JARID2: variants seen among roughly 807,000 people sequenced by gnomAD.
The protein encoded by JARID2 is protein Jumonji.
In JARID2, 21 loss-of-function variants were observed where a neutral mutation model predicts 125.6. The ratio of observed to expected loss-of-function variants is 0.17; its 90% CI spans 0.12 to 0.24. JARID2 has a LOEUF of 0.24. Ranked by LOEUF, JARID2 falls within the 10% of genes least tolerant of loss-of-function variation. The pLI is 1.00. For synonymous variants in JARID2, 736 were observed against 661.6 expected (o/e 1.11, Z -1.73); for missense variants, 1,303 against 1,639.6 (o/e 0.79, Z 3.55).
chr6:15,250,541 G>A (rs1468692007), intron 1 of JARID2, among the ~76,000 whole-genome samples: 5 of 152,166 alleles, frequency 3.3e-5, no homozygotes, highest in Non-Finnish European at 7.3e-5. Context: ...TCACTGTACA[G>A]GGACAGTATG....
chr6:15,480,003 T>G (rs1336899153), intron 5 of JARID2, among the ~76,000 whole-genome samples: 1 of 152,216 alleles, frequency 6.6e-6, no homozygotes, highest in African/African-American at 2.4e-5. Flanking sequence ...TAACAGGGAT[T>G]TAATGCCAGC....
At chr6:15,336,060 G>A (rs1762865205) in intron 1 of JARID2, among the ~76,000 whole-genome samples, 1 of 151,890 alleles carries the variant, frequency 6.6e-6, no homozygotes. Flanking sequence ...ACTCCAGTCT[G>A]GGTGACAGAG....
At chr6:15,345,259 A>G (rs555900023) in intron 1 of JARID2, among the ~76,000 whole-genome samples, 7 of 152,322 alleles carry the variant, frequency 4.6e-5, no homozygotes, top group African/African-American at 1.4e-4. Flanking sequence ...ATAGTTTAAT[A>G]TTGTTAAGCA....
chr6:15,408,192 C>T (rs560536087), intron 2 of JARID2, among the ~76,000 whole-genome samples: 4 of 152,176 alleles, frequency 2.6e-5, no homozygotes, highest in Admixed American at 2.6e-4. Flanking sequence ...GTCAAGGCTG[C>T]AATAAGCTAT....
chr6:15,507,500 T>C, intron 11 of JARID2, 84 bp downstream of exon 11: 4 of 1,156,218 alleles, frequency 3.5e-6, no homozygotes, highest in Non-Finnish European at 5.1e-6. Flanking sequence ...AAATCCCTTC[T>C]AAGCACTGCC....
chr6:15,410,934 T>G (rs746531677), intron 3 of JARID2, among the ~76,000 whole-genome samples: 2 of 152,210 alleles, frequency 1.3e-5, no homozygotes, highest in Non-Finnish European at 2.9e-5. Context: ...GTAAGGAAGT[T>G]GGCTTTAGTA....
intron 4 of JARID2, among the ~76,000 whole-genome samples, chr6:15,452,948 T>C (rs974883146): frequency 6.6e-6 from 1 of 152,218 alleles, no homozygotes; most frequent in African/African-American, 2.4e-5. Context: ...GGGCCTTTGC[T>C]ATTGGACATC....
chr6:15,493,656 C>T (rs1450723919), intron 6 of JARID2, among the ~76,000 whole-genome samples: 2 of 151,956 alleles, frequency 1.3e-5, no homozygotes, highest in East Asian at 3.9e-4. Context: ...GCCCATTCCC[C>T]CACCCCCACC....
At chr6:15,390,316 G>A (rs761644613) in intron 2 of JARID2, among the ~76,000 whole-genome samples, 10 of 152,098 alleles carry the variant, frequency 6.6e-5, no homozygotes, top group Non-Finnish European at 1.0e-4. Flanking sequence ...CCTAGATATG[G>A]AGAAGAACCC....
At chr6:15,290,652 G>T (rs555303760) in intron 1 of JARID2, among the ~76,000 whole-genome samples, 2 of 151,966 alleles carry the variant, frequency 1.3e-5, no homozygotes, top group African/African-American at 4.8e-5. Context: ...AGTGCCTTGC[G>T]CTGTCACCCA....
chr6:15,358,289 A>G (rs1372345752), intron 1 of JARID2, among the ~76,000 whole-genome samples: 2 of 152,184 alleles, frequency 1.3e-5, no homozygotes, highest in African/African-American at 4.8e-5. Context: ...TCATCTTCAT[A>G]TATTGACTTT....
At chr6:15,337,812 T>G (rs1424187336) in intron 1 of JARID2, among the ~76,000 whole-genome samples, 4 of 152,130 alleles carry the variant, frequency 2.6e-5, no homozygotes, top group Non-Finnish European at 5.9e-5. Context: ...ACTGCAGATT[T>G]GAGAGGGCAC....
intron 2 of JARID2, among the ~76,000 whole-genome samples, chr6:15,388,293 G>C (rs1407907651): frequency 6.6e-6 from 1 of 152,036 alleles, no homozygotes; most frequent in Non-Finnish European, 1.5e-5. Context: ...AATGTTTAGA[G>C]TCCTGTATGG....
At chr6:15,406,064 G>C (rs1765636503) in intron 2 of JARID2, among the ~76,000 whole-genome samples, 1 of 152,206 alleles carries the variant, frequency 6.6e-6, no homozygotes, top group Non-Finnish European at 1.5e-5. Context: ...GATATATACA[G>C]AATGGAAGTA....
At chr6:15,470,752 GT>G (rs147086955) in intron 5 of JARID2, among the ~76,000 whole-genome samples, 1,694 of 152,344 alleles carry the variant, frequency 0.011, 18 homozygotes, top group African/African-American at 0.026. Context: ...AGCTGCATAT[GT>G]GAATTGGAAT....
intron 4 of JARID2, among the ~76,000 whole-genome samples, chr6:15,453,417 A>G (rs1366373610): frequency 6.6e-6 from 1 of 152,214 alleles, no homozygotes; most frequent in Non-Finnish European, 1.5e-5. Context: ...CTTGGCAGGA[A>G]TGCCACAAGG....
chr6:15,293,281 G>A (rs1271190326), intron 1 of JARID2, among the ~76,000 whole-genome samples: 1 of 152,198 alleles, frequency 6.6e-6, no homozygotes, highest in Non-Finnish European at 1.5e-5. Context: ...CTGGCGTGGT[G>A]GTGGGCACCT....
rs757693318 is a variant in JARID2 at position 15,368,847 on chromosome 6, T to TG, written c.46-5268dup. ...CTTTCTGATGTATATAGGCACAGGA[T>TG]GGAGTCCTATTTTGCAGAGCAGAGC... is the stretch of plus-strand genomic sequence containing the variant. On this transcript the variant is annotated intron_variant, in intron 1 of 17. Transcript: ENST00000341776. 77 of 397,042 alleles carry TG rather than the reference T, an allele frequency of 1.9e-4. 1 individual carries two copies. Among genetic ancestry groups the TG allele is most frequent in the Non-Finnish European group, 3.4e-4 (66 of 195,128 alleles). 24.6% of individuals were successfully genotyped at this position (397,042 alleles called of 1,614,324 possible).
At chr6:15,313,221 C>G (rs536886601) in intron 1 of JARID2, among the ~76,000 whole-genome samples, 12 of 152,252 alleles carry the variant, frequency 7.9e-5, no homozygotes, top group African/African-American at 2.6e-4. Context: ...CATGGCACCC[C>G]AAGGAAACAG....
Sources: allele counts gnomAD v4.1 joint callset (sites outside exome capture counted in the v4.1 genomes callset), GRCh38; gene constraint gnomAD v4.1.1; transcripts MANE v1.5; gene names NCBI Gene and HGNC (gene_info 2026-07-23, HGNC 2026-07-21).